MAP3K20: variants seen among roughly 807,000 people sequenced by gnomAD.
MAP3K20 encodes the protein HCCS-4.
Under a neutral mutation model 85.7 loss-of-function variants are expected in MAP3K20, and 40 were observed. The observed-to-expected ratio is 0.47, with a 90% confidence interval of 0.36 to 0.61. The LOEUF is 0.61. Ranked by LOEUF, MAP3K20 falls within the 20% of genes least tolerant of loss-of-function variation. MAP3K20 has a pLI of 0.00. For synonymous variants in MAP3K20, 325 were observed against 327.7 expected, an observed-to-expected ratio of 0.99 and a Z score of 0.09; for missense variants, 817 against 961.7, an observed-to-expected ratio of 0.85 and a Z score of 1.99.
At chr2:173,259,440 C>A (rs1413394507) in intron 17 of MAP3K20, among the ~76,000 whole-genome samples, 1 of 152,176 alleles carries the variant, frequency 6.6e-6, no homozygotes, top group Non-Finnish European at 1.5e-5. Flanking sequence ...CATACTGGAA[C>A]AATACATATG....
intron 1 of MAP3K20, among the ~76,000 whole-genome samples, chr2:173,080,724 A>G (rs1173567765): frequency 6.6e-6 from 1 of 152,152 alleles, no homozygotes; most frequent in Non-Finnish European, 1.5e-5. Flanking sequence ...TGCCTTTGGT[A>G]CCCTGTCCTG....
rs764949901 is a variant in MAP3K20 at position 173,198,003 on chromosome 2, A to G, written c.583-23A>G. On this transcript the variant is annotated intron_variant, in intron 7 of 19. Coordinates refer to ENST00000375213, the MANE Select transcript of MAP3K20 (RefSeq NM_016653.3). This position sits in a 1 kb window ranked among gnomAD's most constrained non-coding sequence, Gnocchi z 5.8. Reference sequence around the variant, plus strand: ...AAAAATATAAAGTACAAAAATAAAAATTCCATTTTCTTTTTGTTCCAGGTT... The same window carrying G: ...AAAAATATAAAGTACAAAAATAAAAGTTCCATTTTCTTTTTGTTCCAGGTT... 2 of 1,598,010 alleles carry G rather than the reference A, an allele frequency of 1.3e-6. No homozygotes were observed. Among genetic ancestry groups the G allele is most frequent in the Non-Finnish European group, 1.7e-6 (2 of 1,170,980 alleles).
intron 2 of MAP3K20, among the ~76,000 whole-genome samples, chr2:173,132,221 C>T (rs1009734666): frequency 6.6e-6 from 1 of 152,124 alleles, no homozygotes; most frequent in African/African-American, 2.4e-5. Flanking sequence ...GAAGAAAAAA[C>T]AGATCAGATC....
chr2:173,100,316 A>G (rs1559230780), intron 2 of MAP3K20, among the ~76,000 whole-genome samples: 1 of 152,198 alleles, frequency 6.6e-6, no homozygotes, highest in Non-Finnish European at 1.5e-5. Context: ...TTATAAGATT[A>G]TAATCTGCAT....
intron 8 of MAP3K20, among the ~76,000 whole-genome samples, chr2:173,200,799 T>G (rs1691030496): frequency 6.6e-6 from 1 of 152,030 alleles, no homozygotes; most frequent in Non-Finnish European, 1.5e-5. Context: ...CTCAAAAAAG[T>G]TTTTTTATTT....
chr2:173,166,743 T>C (rs1326827648), intron 2 of MAP3K20: 4 of 152,218 alleles, frequency 2.6e-5, no homozygotes, highest in Non-Finnish European at 1.5e-5. Context: ...CTTTCATCAT[T>C]TTCATGTTTT....
intron 19 of MAP3K20, among the ~76,000 whole-genome samples, chr2:173,264,377 G>A (rs958992243): frequency 2.6e-5 from 4 of 152,152 alleles, no homozygotes; most frequent in African/African-American, 9.7e-5. Flanking sequence ...GCCCTGCCAT[G>A]CTCAATAGGC....
At chr2:173,214,751 G>A (rs1466427965) in intron 10 of MAP3K20, among the ~76,000 whole-genome samples, 1 of 152,140 alleles carries the variant, frequency 6.6e-6, no homozygotes, top group Non-Finnish European at 1.5e-5. Context: ...CTTACAAGAA[G>A]ACCATAATTT....
chr2:173,090,331 GGCA>G (rs1343967467), intron 1 of MAP3K20, among the ~76,000 whole-genome samples: 12 of 152,236 alleles, frequency 7.9e-5, no homozygotes, highest in African/African-American at 2.6e-4. Flanking sequence ...TAACGTCCTT[GGCA>G]GTATTCTTTC....
At chr2:173,087,892 G>A (rs1687185713) in intron 1 of MAP3K20, among the ~76,000 whole-genome samples, 1 of 152,128 alleles carries the variant, frequency 6.6e-6, no homozygotes, top group Non-Finnish European at 1.5e-5. Flanking sequence ...AGAAAGGGAA[G>A]ATGCGAAATC....
chr2:173,128,304 AT>A lies in MAP3K20; in HGVS notation c.159+37115del, dbSNP rs1039631613. Among the ~76,000 whole-genome samples the A allele has an allele frequency of 1.9e-3, 174 of 90,828 alleles. 1 individual carries two copies. The highest frequency in any genetic ancestry group is 6.4e-3 in the African/African-American group (171 of 26,802). 59.6% of individuals were successfully genotyped at this position (90,828 alleles called of 152,430 possible). ...ATCACAGCAGCATATGGAAAACATT[AT>A]AGTTGACTTATTTATTTATTTATTT... On this transcript the variant is annotated intron_variant, in intron 2 of 19. Coordinates refer to ENST00000375213, the MANE Select transcript of MAP3K20 (RefSeq NM_016653.3).
rs1046989529 is a variant in MAP3K20, at chr2:173,146,859, C to T, written c.160-22946C>T. 3.3e-5 allele frequency among the ~76,000 whole-genome samples: 5 copies of T among 152,150 alleles called. No individual in the cohort carries two copies. The East Asian group carries it at 7.7e-4, about 23-fold the overall frequency. ...GGTTCTAACTTCTCTACACCCTTGCCAACACTTGTTATTCTCTGTCTTTTT... is the reference window on the plus strand; with the variant it reads ...GGTTCTAACTTCTCTACACCCTTGCTAACACTTGTTATTCTCTGTCTTTTT... On this transcript the variant is annotated intron_variant, in intron 2 of 19. Transcript: ENST00000375213.
At chr2:173,080,879 T>C (rs537679811) in intron 1 of MAP3K20, among the ~76,000 whole-genome samples, 1 of 152,274 alleles carries the variant, frequency 6.6e-6, no homozygotes, top group Non-Finnish European at 1.5e-5. Context: ...TACCCTTCTT[T>C]CTGGACTCAT....
chr2:173,222,727 T>A (rs1357581856), intron 11 of MAP3K20: 1 of 985,314 alleles, frequency 1.0e-6, no homozygotes, highest in African/African-American at 1.7e-5. Flanking sequence ...CCTTTCCATA[T>A]CAAGTTTAGC....
intron 12 of MAP3K20, 136 bp from the exon 13 acceptor site, chr2:173,232,056 A>T: frequency 1.9e-6 from 2 of 1,077,426 alleles, no homozygotes; most frequent in Non-Finnish European, 2.8e-6. Context: ...ACAAAGAGAA[A>T]GTCTTCTATT....
At chr2:173,168,271 G>A (rs949270210) in intron 2 of MAP3K20, among the ~76,000 whole-genome samples, 9 of 152,002 alleles carry the variant, frequency 5.9e-5, no homozygotes, top group African/African-American at 9.7e-5. Context: ...CTATACACAC[G>A]AGGCACTCAA....
intron 1 of MAP3K20, among the ~76,000 whole-genome samples, chr2:173,086,522 TA>T (rs1408374168): frequency 6.6e-6 from 1 of 152,232 alleles, no homozygotes; most frequent in Non-Finnish European, 1.5e-5. Context: ...AGATGGAACT[TA>T]ATTTTTTATG....
At chr2:173,076,217 G>A (rs1406927541) in intron 1 of MAP3K20, among the ~76,000 whole-genome samples, 1 of 151,830 alleles carries the variant, frequency 6.6e-6, no homozygotes, top group East Asian at 2.0e-4. Flanking sequence ...GAGCGTTCGC[G>A]GCGCCCGGGA....
chr2:173,225,245 G>A, intron 11 of MAP3K20: 1 of 583,840 alleles, frequency 1.7e-6, no homozygotes, highest in Non-Finnish European at 2.2e-6. Flanking sequence ...TTGCTGCCCA[G>A]TGCCAGGAAT....
Sources: gnomAD v4.1 joint callset for allele counts (sites outside exome capture counted in the v4.1 genomes callset) on GRCh38, gnomAD v4.1.1 for gene constraint, Gnocchi (gnomAD v3.1) non-coding constraint, MANE v1.5 for transcripts, NCBI Gene and HGNC (gene_info 2026-07-23, HGNC 2026-07-21) for gene names.